RBPJ: variants seen among roughly 807,000 people sequenced by gnomAD.
The protein encoded by RBPJ is recombination signal binding protein for immunoglobulin kappa J region, also known as recombining binding protein suppressor of hairless.
Under a neutral mutation model 67.8 loss-of-function variants are expected in RBPJ, and 9 were observed. The ratio of observed to expected loss-of-function variants is 0.13; its 90% confidence interval spans 0.08 to 0.23. The LOEUF (loss-of-function observed/expected upper bound fraction) is 0.23. Among genes scored for constraint, RBPJ ranks in the 10% least tolerant of loss-of-function variants. The pLI is 1.00. For missense variants in RBPJ, 305 were observed against 595.6 expected (o/e 0.51, Z 5.08); for synonymous variants, 198 against 203.3 (o/e 0.97, Z 0.22).
chr4:26,329,071 G>A (rs542422154), intron 1 of RBPJ, among the ~76,000 whole-genome samples: 79 of 152,296 alleles, frequency 5.2e-4, no homozygotes, highest in Admixed American at 4.7e-3. Flanking sequence ...TTGGCTCACC[G>A]CAACATATGC....
At chr4:26,126,750 A>G in the RBPJ span, among the ~76,000 whole-genome samples, 1 of 152,216 alleles carries the variant, frequency 6.6e-6, no homozygotes, top group Non-Finnish European at 1.5e-5. Flanking sequence ...TAATGCAAAA[A>G]TGATCATCTA....
upstream of RBPJ, chr4:26,319,824 A>G: frequency 6.5e-7 from 1 of 1,540,904 alleles, no homozygotes; most frequent in Non-Finnish European, 9.0e-7. Context: ...TGCGGGAGGC[A>G]GTGCTGGATC....
intron 1 of RBPJ, among the ~76,000 whole-genome samples, chr4:26,201,678 A>G (rs537842917): frequency 1.3e-5 from 2 of 152,346 alleles, no homozygotes; most frequent in African/African-American, 4.8e-5. Flanking sequence ...ACTGAGAGTT[A>G]GGTAGACTGT....
At chr4:26,274,827 G>A (rs563349790) in intron 1 of RBPJ, among the ~76,000 whole-genome samples, 2 of 151,940 alleles carry the variant, frequency 1.3e-5, no homozygotes, top group Non-Finnish European at 1.5e-5. Flanking sequence ...CCAGCTATTC[G>A]GAAGGCTAAA....
Position 26,415,616 on chromosome 4 carries a change from G to T in RBPJ, c.297G>T (p.Met99Ile), listed in dbSNP as rs747695592. 1 of 1,609,764 alleles carries T rather than the reference G, an allele frequency of 6.2e-7. No homozygotes were observed. The highest frequency in any genetic ancestry group is 8.5e-7 in the Non-Finnish European group (1 of 1,178,732). The change falls in exon 4 of 11, where the codon ATG (methionine) becomes ATT (isoleucine). Residue 99 changes from methionine (M) to isoleucine (I), a missense_variant. Met to Ile is a conservative substitution (Grantham distance 10). Coordinates refer to ENST00000355476, the MANE Select transcript of RBPJ (RefSeq NM_015874.6). ...GGATAGGAAATAGTGACCAAGAAAT[G>T]CAGCAGCTAAACTTGGAAGGAAAGG... ...FIGIGNSDQEMQQLNLEGKNY... is the reference protein window; with the variant it reads ...FIGIGNSDQEIQQLNLEGKNY...
chr4:26,390,908 T>C (rs944750802), intron 2 of RBPJ, among the ~76,000 whole-genome samples: 1 of 152,132 alleles, frequency 6.6e-6, no homozygotes, highest in Non-Finnish European at 1.5e-5. Flanking sequence ...TAAAAAAAAT[T>C]AGCTGGGCAT....
At chr4:26,375,858 G>C (rs879508914) in intron 1 of RBPJ, among the ~76,000 whole-genome samples, 1 of 152,180 alleles carries the variant, frequency 6.6e-6, no homozygotes, top group Admixed American at 6.5e-5. Context: ...TTCTAGAACA[G>C]ACTTCACTAT....
rs573451423 is a variant in RBPJ at position 26,204,972 on chromosome 4, G to C, written c.-167+41358G>C. Reference sequence around the variant, plus strand: ...TGAGAATCTGGCAAGTGTGGAGTTGGCCACCTTTCCAAAGGGATGTGCCAA... The same window carrying C: ...TGAGAATCTGGCAAGTGTGGAGTTGCCCACCTTTCCAAAGGGATGTGCCAA... On this transcript the variant is annotated intron_variant, in intron 1 of 4. Coordinates refer to the RBPJ transcript ENST00000512351. Among the ~76,000 whole-genome samples, 359 of 152,280 alleles carry C rather than the reference G, an allele frequency of 2.4e-3. 3 individuals are homozygous for C. The highest frequency in any genetic ancestry group is 2.0e-3 in the Non-Finnish European group (135 of 68,018).
intron 1 of RBPJ, among the ~76,000 whole-genome samples, chr4:26,269,253 T>G (rs535938319): frequency 1.3e-5 from 2 of 150,894 alleles, no homozygotes; most frequent in South Asian, 4.2e-4. Flanking sequence ...TTTATTTATT[T>G]ATTTATTTAT....
intron 1 of RBPJ, among the ~76,000 whole-genome samples, chr4:26,224,640 G>A (rs1719024449): frequency 6.6e-6 from 1 of 151,820 alleles, no homozygotes; most frequent in Non-Finnish European, 1.5e-5. Flanking sequence ...TTATGGGCAT[G>A]AGCCACCGCA....
At chr4:26,319,904 G>A (rs1319630049), upstream of RBPJ, 2 of 1,590,828 alleles carry the variant, frequency 1.3e-6, no homozygotes, top group Admixed American at 3.4e-5. Flanking sequence ...AGGAGGGGGC[G>A]GGATTCGGGC....
intron 1 of RBPJ, among the ~76,000 whole-genome samples, chr4:26,346,680 A>G (rs1340660615): frequency 6.6e-6 from 1 of 152,172 alleles, no homozygotes; most frequent in African/African-American, 2.4e-5. Flanking sequence ...CTCCTTTATC[A>G]TTAGGATTCT....
At chr4:26,419,012 C>T (rs1299861238) in intron 4 of RBPJ, among the ~76,000 whole-genome samples, 3 of 152,192 alleles carry the variant, frequency 2.0e-5, no homozygotes, top group East Asian at 3.9e-4. Flanking sequence ...AGGGTGCCAC[C>T]GTGCCGCCCA....
the RBPJ span, among the ~76,000 whole-genome samples, chr4:26,126,139 T>C: frequency 6.6e-6 from 1 of 152,206 alleles, no homozygotes. Context: ...ATTCCTTGAA[T>C]GGAAAAGATC....
At chr4:26,344,824 G>T (rs1369441268) in intron 1 of RBPJ, among the ~76,000 whole-genome samples, 3 of 152,056 alleles carry the variant, frequency 2.0e-5, no homozygotes, top group Non-Finnish European at 4.4e-5. Flanking sequence ...GCAAATCTCT[G>T]AACTGTTTAT....
the RBPJ span, among the ~76,000 whole-genome samples, chr4:26,105,600 G>T: frequency 6.6e-6 from 1 of 152,088 alleles, no homozygotes; most frequent in Non-Finnish European, 1.5e-5. Context: ...AGTATTTCCT[G>T]TTTCCAGTGG....
At chr4:26,337,825 CA>C (rs1725031787) in intron 1 of RBPJ, among the ~76,000 whole-genome samples, 2 of 151,692 alleles carry the variant, frequency 1.3e-5, no homozygotes, top group Admixed American at 1.3e-4. Flanking sequence ...TAGCTGAGAC[CA>C]CAAGCATGTG....
At chr4:26,375,521 G>A (rs749948648) in intron 1 of RBPJ, among the ~76,000 whole-genome samples, 1 of 152,194 alleles carries the variant, frequency 6.6e-6, no homozygotes, top group African/African-American at 2.4e-5. Flanking sequence ...CAGAATCTAG[G>A]AGAACAGTTA....
intron 1 of RBPJ, among the ~76,000 whole-genome samples, chr4:26,324,854 G>A (rs1195981547): frequency 6.6e-6 from 1 of 152,178 alleles, no homozygotes; most frequent in East Asian, 1.9e-4. Context: ...TTAACAAATG[G>A]TAGTACAACA....
Sources: allele counts gnomAD v4.1 joint callset (sites outside exome capture counted in the v4.1 genomes callset), GRCh38; gene constraint gnomAD v4.1.1; transcripts MANE v1.5; gene names NCBI Gene and HGNC (gene_info 2026-07-23, HGNC 2026-07-21).